Variants in EFCAB13 observed in about 807,000 individuals in gnomAD.
The protein encoded by EFCAB13 is EF-hand calcium-binding domain-containing protein 13.
In EFCAB13, 91 loss-of-function variants were observed where a neutral mutation model predicts 110.2. The observed-to-expected ratio is 0.83, with a 90% CI of 0.70 to 0.98. EFCAB13 has a LOEUF of 0.98. EFCAB13 is among the 50% of genes least tolerant of loss of function. The pLI is 0.00. For missense variants in EFCAB13, 968 were observed against 1,119.4 expected, an observed-to-expected ratio of 0.86 and a Z score of 1.93; for synonymous variants, 323 against 369.9, an observed-to-expected ratio of 0.87 and a Z score of 1.45.
intron 24 of EFCAB13, chr17:47,430,691 G>A (rs1567808793): frequency 6.6e-6 from 1 of 152,008 alleles, no homozygotes; most frequent in Non-Finnish European, 1.5e-5. Context: ...GAATAAAGTT[G>A]TTCTCTTTTT....
chr17:47,357,043 C>A (rs567720178), intron 9 of EFCAB13, among the ~76,000 whole-genome samples: 1 of 152,206 alleles, frequency 6.6e-6, no homozygotes, highest in Non-Finnish European at 1.5e-5. Flanking sequence ...CCAGCTTCCA[C>A]GCAGCCCACA....
intron 23 of EFCAB13, among the ~76,000 whole-genome samples, chr17:47,416,432 T>C (rs1904448499): frequency 6.6e-6 from 1 of 152,202 alleles, no homozygotes; most frequent in South Asian, 2.1e-4. Flanking sequence ...TTTCTCTTTT[T>C]TTCAACTTTT....
At chr17:47,435,813 A>G (rs1905202585) in intron 24 of EFCAB13, among the ~76,000 whole-genome samples, 1 of 152,076 alleles carries the variant, frequency 6.6e-6, no homozygotes, top group Non-Finnish European at 1.5e-5. Flanking sequence ...TAGGACTTCC[A>G]GTACTATGTT....
intron 23 of EFCAB13, chr17:47,423,513 TC>T (rs1228907066): frequency 1.8e-4 from 47 of 260,832 alleles, no homozygotes; most frequent in Non-Finnish European, 2.7e-4. Context: ...AGGTGGCTCC[TC>T]CTTCGCTTCT....
chr17:47,392,074 G>A (rs2065711346), intron 15 of EFCAB13, among the ~76,000 whole-genome samples: 1 of 152,116 alleles, frequency 6.6e-6, no homozygotes, highest in African/African-American at 2.4e-5. Context: ...GGGGTTATAG[G>A]TGAAATAATA....
chr17:47,411,673 T>C (rs999948236), intron 21 of EFCAB13, among the ~76,000 whole-genome samples: 20 of 152,344 alleles, frequency 1.3e-4, no homozygotes, highest in African/African-American at 4.8e-4. Context: ...GATATTATGG[T>C]GTTCTTTCCA....
chr17:47,391,039 A>G (rs1352916577), intron 14 of EFCAB13, among the ~76,000 whole-genome samples: 2 of 152,078 alleles, frequency 1.3e-5, no homozygotes, highest in Admixed American at 6.5e-5. Flanking sequence ...TTCTGGGCTC[A>G]AGCAATTCTC....
chr17:47,427,925 T>TA lies in EFCAB13; in HGVS notation c.2495-1885dup, dbSNP rs113361100. ...CTGAGAGTTTGAGTTTGTTTAGAAA[T>TA]AAAAAAAATGTTTAAAAGCTTTAAA... On this transcript the variant is annotated intron_variant, in intron 23 of 24. Coordinates refer to ENST00000331493, the MANE Select transcript of EFCAB13 (RefSeq NM_152347.5). 8.7e-3 allele frequency among the ~76,000 whole-genome samples: 1,327 copies of TA among 151,854 alleles called. 12 individuals carry two copies. Among genetic ancestry groups the TA allele is most frequent in the African/African-American group, 0.027 (1,108 of 41,458 alleles).
Position 47,379,284 on chromosome 17 carries a change from A to G in EFCAB13, c.1582+31A>G, listed in dbSNP as rs778516393. 7 of 1,542,312 alleles carry G rather than the reference A, an allele frequency of 4.5e-6. No homozygotes were observed. The East Asian group carries it at 1.6e-4, about 35-fold the overall frequency. On this transcript the variant is annotated intron_variant, in intron 14 of 24. Transcript: ENST00000331493. ...TAGGAAATTTGTTTTAAAATGATTT[A>G]GAGGGAAGAGCAGTGTGTTGAGAAG...
At chr17:47,411,215 T>C (rs1391845609) in intron 21 of EFCAB13, among the ~76,000 whole-genome samples, 1 of 152,252 alleles carries the variant, frequency 6.6e-6, no homozygotes, top group East Asian at 1.9e-4. Context: ...TCTTCTTATC[T>C]CTTCAGACTC....
intron 24 of EFCAB13, among the ~76,000 whole-genome samples, chr17:47,436,906 C>A (rs1905226945): frequency 6.6e-6 from 1 of 151,848 alleles, no homozygotes; most frequent in African/African-American, 2.4e-5. Flanking sequence ...AGGCTATGAA[C>A]TTTCCTCTTA....
At chr17:47,332,201 T>C (rs1237081954) in intron 4 of EFCAB13, among the ~76,000 whole-genome samples, 2 of 152,172 alleles carry the variant, frequency 1.3e-5, no homozygotes, top group East Asian at 1.9e-4. Flanking sequence ...ATGAGAGTTC[T>C]TGCTTCACAT....
intron 15 of EFCAB13, 86 bp downstream of exon 15, chr17:47,391,666 T>C (rs1446809381): frequency 9.2e-7 from 1 of 1,089,612 alleles, no homozygotes; most frequent in Admixed American, 3.6e-5. Context: ...AAATGACTAA[T>C]TTTTTTATTA....
At chr17:47,386,470 A>C (rs1481448878) in intron 14 of EFCAB13, among the ~76,000 whole-genome samples, 1 of 152,132 alleles carries the variant, frequency 6.6e-6, no homozygotes, top group Non-Finnish European at 1.5e-5. Context: ...CAGTAATGGC[A>C]GATGCCCTTC....
chr17:47,404,704 C>G, intron 20 of EFCAB13, 71 bp downstream of exon 20: 1 of 1,208,946 alleles, frequency 8.3e-7, no homozygotes, highest in Admixed American at 2.1e-5. Context: ...CTAGTAAAAC[C>G]CTAAATTTGG....
rs570871805 is a variant in EFCAB13 at position 47,367,512 on chromosome 17, C to T, written c.806-2925C>T. Among the ~76,000 whole-genome samples the T allele has an allele frequency of 4.6e-5, 7 of 152,296 alleles. No homozygotes were observed. In the East Asian group the frequency reaches 1.4e-3, roughly 29 times the overall value. On this transcript the variant is annotated intron_variant, in intron 10 of 24. Transcript: ENST00000331493. ...CGTAGGACGCCGGCAGAGAAGGAGC[C>T]GGGTGGAGCTGTGGTCCCGCTGAGG... is the stretch of plus-strand genomic sequence containing the variant.
In EFCAB13 at chr17:47,404,604, G is replaced by A; in HGVS notation, c.2204G>A (p.Arg735Lys). The change falls in exon 20 of 25, where the codon AGG becomes AAG. Residue 735 changes from arginine to lysine, a missense_variant. By Grantham distance (26) the Arg-to-Lys change is conservative. Coordinates refer to ENST00000331493, the MANE Select transcript of EFCAB13 (RefSeq NM_152347.5). Reference sequence around the variant, plus strand: ...ATTAAAGACTGTATGAGGGCTTTGAGGGACACCCAGAAATTTTCCAATTAT... The same window carrying A: ...ATTAAAGACTGTATGAGGGCTTTGAAGGACACCCAGAAATTTTCCAATTAT... ...VNIKDCMRAL[R>K]DTQKFSNYID... 4 of 1,612,622 alleles carry A rather than the reference G, an allele frequency of 2.5e-6. No homozygotes were observed. Among genetic ancestry groups the A allele is most frequent in the Non-Finnish European group, 1.7e-6 (2 of 1,179,182 alleles).
chr17:47,423,288 T>C (rs1403689006), intron 23 of EFCAB13: 1 of 152,272 alleles, frequency 6.6e-6, no homozygotes, highest in Non-Finnish European at 1.5e-5. Flanking sequence ...CACAATAATA[T>C]AGTTAATGGT....
intron 4 of EFCAB13, among the ~76,000 whole-genome samples, chr17:47,332,598 C>T (rs529440393): frequency 6.6e-6 from 1 of 151,740 alleles, no homozygotes; most frequent in South Asian, 2.1e-4. Flanking sequence ...CTCTGATAAC[C>T]ATCTTTCTAC....
Sources: gnomAD v4.1 joint callset for allele counts (sites outside exome capture counted in the v4.1 genomes callset) on GRCh38, gnomAD v4.1.1 for gene constraint, MANE v1.5 for transcripts, NCBI Gene and HGNC (gene_info 2026-07-23, HGNC 2026-07-21) for gene names.